The following PIAS1 variants were observed in gnomAD, a reference collection of about 807,000 sequenced individuals.
PIAS1 encodes protein inhibitor of activated STAT 1, also known as E3 SUMO-protein ligase PIAS1.
In PIAS1, 6 loss-of-function variants were observed where a neutral mutation model predicts 71.3. The observed-to-expected ratio is 0.08, with a 90% confidence interval of 0.05 to 0.17. The LOEUF is 0.17. Among genes scored for constraint, PIAS1 ranks in the 10% least tolerant of loss-of-function variants. The pLI is 1.00. For missense variants in PIAS1, 555 were observed against 793.6 expected (o/e 0.70, Z 3.61); for synonymous variants, 303 against 292.9 (o/e 1.03, Z -0.35).
intron 12 of PIAS1, among the ~76,000 whole-genome samples, chr15:68,182,113 TAAA>T (rs1214557231): frequency 6.6e-6 from 1 of 152,162 alleles, no homozygotes; most frequent in Non-Finnish European, 1.5e-5. Flanking sequence ...TGATCCTTCT[TAAA>T]AATTTTTTTT....
intron 2 of PIAS1, among the ~76,000 whole-genome samples, chr15:68,127,870 C>T (rs1282157214): frequency 1.3e-5 from 2 of 152,152 alleles, no homozygotes; most frequent in Non-Finnish European, 1.5e-5. Flanking sequence ...TCAAGCAATT[C>T]TCCTGCTTCA....
At chr15:68,159,130 G>A (rs1233922846) in intron 7 of PIAS1, among the ~76,000 whole-genome samples, 4 of 152,150 alleles carry the variant, frequency 2.6e-5, no homozygotes, top group Non-Finnish European at 5.9e-5. Context: ...AATACTGTTA[G>A]CACTGCAGAT....
intron 1 of PIAS1, among the ~76,000 whole-genome samples, chr15:68,068,563 C>T (rs1362505432): frequency 1.3e-5 from 2 of 152,008 alleles, no homozygotes; most frequent in East Asian, 3.9e-4. Context: ...AGTGATTCTC[C>T]ACCCTCAGCC....
chr15:68,071,564 A>G (rs1597129356), intron 1 of PIAS1, among the ~76,000 whole-genome samples: 1 of 152,106 alleles, frequency 6.6e-6, no homozygotes, highest in Middle Eastern at 3.4e-3. Flanking sequence ...AGAAAGCAGT[A>G]CCAACAAAAC....
chr15:68,059,433 C>T (rs78364021), intron 1 of PIAS1, among the ~76,000 whole-genome samples: 3,354 of 151,822 alleles, frequency 0.022, 124 homozygotes, highest in African/African-American at 0.076. Flanking sequence ...AATGCAGGAC[C>T]GGATGCCATG....
chr15:68,159,826 T>G (rs930650856), intron 7 of PIAS1, among the ~76,000 whole-genome samples: 1 of 152,144 alleles, frequency 6.6e-6, no homozygotes, highest in South Asian at 2.1e-4. Context: ...TATGTTTTCA[T>G]TTCTCTTGGG....
In PIAS1 at chr15:68,181,080, A is replaced by C. The variant is rs189717410; in HGVS notation, c.1482-132A>C. 2.4e-5 allele frequency: 16 copies of C among 675,258 alleles called. No homozygotes were observed. The African/African-American group carries it at 2.5e-4, about 11-fold the overall frequency. 41.8% of individuals were successfully genotyped at this position (675,258 alleles called of 1,614,324 possible). ...TAATTGTGTATAATCTAAATTATAC[A>C]TTGCTTTGCTTGGTTTTGTTCTTAT... On this transcript the variant is annotated intron_variant, in intron 11 of 13. Transcript: ENST00000249636.
rs537885182 is a variant in PIAS1, at chr15:68,077,673, C to T, written c.25-8633C>T. ...AGATCTTTAAGTTCTGTTTTTGATA[C>T]TCTGTTGCTGTTATTTCCAAAAACA... On this transcript the variant is annotated intron_variant, in intron 1 of 13. Coordinates refer to ENST00000249636, the MANE Select transcript of PIAS1 (RefSeq NM_016166.3). Among the ~76,000 whole-genome samples, 10 of 152,274 alleles carry T rather than the reference C, an allele frequency of 6.6e-5. No individual in the cohort carries two copies. In the South Asian group the frequency reaches 1.0e-3, roughly 16 times the overall value.
chr15:68,071,760 G>GT (rs1280324992), intron 1 of PIAS1, among the ~76,000 whole-genome samples: 1 of 150,726 alleles, frequency 6.6e-6, no homozygotes, highest in African/African-American at 2.4e-5. Context: ...GAGCCCTGGA[G>GT]TTTGAGACCA....
At chr15:68,093,678 G>A (rs2092351464) in intron 2 of PIAS1, among the ~76,000 whole-genome samples, 1 of 152,180 alleles carries the variant, frequency 6.6e-6, no homozygotes, top group African/African-American at 2.4e-5. Flanking sequence ...CCCTTTGAGA[G>A]GGTTATAATG....
chr15:68,105,212 T>TA (rs968073566), intron 2 of PIAS1, among the ~76,000 whole-genome samples: 4 of 152,202 alleles, frequency 2.6e-5, no homozygotes, highest in African/African-American at 9.7e-5. Context: ...GCAGAGATAA[T>TA]ATATTACTAT....
At chr15:68,084,794 C>G (rs2092264173) in intron 1 of PIAS1, among the ~76,000 whole-genome samples, 1 of 152,112 alleles carries the variant, frequency 6.6e-6, no homozygotes, top group Non-Finnish European at 1.5e-5. Context: ...CTTATAGAAT[C>G]ACTTGTGTAA....
intron 2 of PIAS1, among the ~76,000 whole-genome samples, chr15:68,104,064 G>T (rs879758074): frequency 6.6e-6 from 1 of 152,092 alleles, no homozygotes; most frequent in East Asian, 1.9e-4. Flanking sequence ...GATTTATGAG[G>T]ATTCGCATTT....
intron 1 of PIAS1, among the ~76,000 whole-genome samples, chr15:68,072,255 C>A (rs562833493): frequency 6.6e-6 from 1 of 151,642 alleles, no homozygotes; most frequent in African/African-American, 2.4e-5. Flanking sequence ...AAAAAATTAG[C>A]TGGGCGTGGT....
intron 7 of PIAS1, among the ~76,000 whole-genome samples, chr15:68,163,891 C>G (rs2092940375): frequency 6.6e-6 from 1 of 152,162 alleles, no homozygotes; most frequent in Non-Finnish European, 1.5e-5. Context: ...TATGTATTTC[C>G]TGTCTCACCC....
intron 7 of PIAS1, among the ~76,000 whole-genome samples, chr15:68,156,720 AAAAAAAAAG>A (rs1183629160): frequency 6.6e-6 from 1 of 150,642 alleles, no homozygotes; most frequent in East Asian, 2.0e-4. Flanking sequence ...AAAAAAAAAA[AAAAAAAAAG>A]AGAGAGAGAG....
rs543904642 is a variant in PIAS1 at position 68,158,759 on chromosome 15, C to T, written c.934+5064C>T. On this transcript the variant is annotated intron_variant, in intron 7 of 13. Transcript: ENST00000249636. ...TTTTCGGCCTTAAAATTTTAAAAGG[C>T]TGAATTAAAATAACCTGATATTAAT... Among the ~76,000 whole-genome samples the T allele has an allele frequency of 1.6e-4, 25 of 152,092 alleles. No homozygotes were observed. The South Asian group carries it at 5.0e-3, about 30-fold the overall frequency.
At chr15:68,068,229 C>T (rs1420631061) in intron 1 of PIAS1, among the ~76,000 whole-genome samples, 2 of 152,078 alleles carry the variant, frequency 1.3e-5, no homozygotes, top group African/African-American at 4.8e-5. Context: ...CAAAAAGTAG[C>T]TGGCTGAGGC....
chr15:68,177,081 A>T (rs907580160), intron 11 of PIAS1, among the ~76,000 whole-genome samples: 2 of 151,984 alleles, frequency 1.3e-5, no homozygotes, highest in African/African-American at 4.8e-5. Flanking sequence ...GGAGTTTGAG[A>T]CCAGCCTGGG....
Sources: allele counts gnomAD v4.1 joint callset (sites outside exome capture counted in the v4.1 genomes callset), GRCh38; gene constraint gnomAD v4.1.1; transcripts MANE v1.5; gene names NCBI Gene and HGNC (gene_info 2026-07-23, HGNC 2026-07-21).